The following MCTP2 variants were observed in gnomAD, a reference collection of about 807,000 sequenced individuals.
MCTP2 encodes the protein multiple C2 and transmembrane domain containing 2.
In MCTP2, 132 loss-of-function variants were observed where a neutral mutation model predicts 111.6. The observed-to-expected ratio is 1.18, with a 90% CI of 1.03 to 1.37. The LOEUF (loss-of-function observed/expected upper bound fraction) is 1.37. Among genes scored for constraint, MCTP2 ranks in the 40% most tolerant of loss-of-function variants. The pLI is 0.00. For missense variants in MCTP2, 1,183 were observed against 1,067.9 expected, an observed-to-expected ratio of 1.11 and a Z score of -1.50; for synonymous variants, 395 against 387.7, an observed-to-expected ratio of 1.02 and a Z score of -0.22.
At chr15:94,417,384 G>C (rs1209084169) in intron 17 of MCTP2, among the ~76,000 whole-genome samples, 1 of 152,090 alleles carries the variant, frequency 6.6e-6, no homozygotes. Flanking sequence ...TTTCTTTAGA[G>C]CACCTTCATT....
intron 12 of MCTP2, among the ~76,000 whole-genome samples, chr15:94,378,614 TTAAGA>T (rs1259899265): frequency 6.6e-6 from 1 of 152,194 alleles, no homozygotes; most frequent in Non-Finnish European, 1.5e-5. Context: ...TTATCAGAAA[TTAAGA>T]TAAATAACAT....
intron 1 of MCTP2, among the ~76,000 whole-genome samples, chr15:94,278,980 C>T (rs1432853204): frequency 6.6e-6 from 1 of 152,124 alleles, no homozygotes; most frequent in Non-Finnish European, 1.5e-5. Context: ...GTCTGTGTGT[C>T]TGTTTTTGTA....
intron 20 of MCTP2, among the ~76,000 whole-genome samples, chr15:94,468,617 A>G (rs2073625584): frequency 6.6e-6 from 1 of 152,158 alleles, no homozygotes; most frequent in East Asian, 1.9e-4. Context: ...ATAATAGGCA[A>G]AGATTAAAAA....
intron 17 of MCTP2, among the ~76,000 whole-genome samples, chr15:94,428,577 A>G (rs929812518): frequency 6.6e-6 from 1 of 151,940 alleles, no homozygotes; most frequent in Non-Finnish European, 1.5e-5. Flanking sequence ...TTTTCTTTAT[A>G]TATTGCTTTT....
At chr15:94,450,616 C>G (rs894082085) in intron 19 of MCTP2, among the ~76,000 whole-genome samples, 1 of 152,124 alleles carries the variant, frequency 6.6e-6, no homozygotes, top group East Asian at 1.9e-4. Context: ...TGGGATGAAA[C>G]AGACCAAACA....
intron 14 of MCTP2, among the ~76,000 whole-genome samples, chr15:94,389,270 AG>A (rs1192390815): frequency 6.6e-6 from 1 of 151,900 alleles, no homozygotes; most frequent in Non-Finnish European, 1.5e-5. Context: ...TGTAGGGGAA[AG>A]GCCGTGTCTG....
chr15:94,388,032 G>A (rs2080617939), intron 14 of MCTP2, among the ~76,000 whole-genome samples: 2 of 152,208 alleles, frequency 1.3e-5, no homozygotes, highest in Admixed American at 6.5e-5. Flanking sequence ...AGGACACAGA[G>A]GTAGGGTGGA....
At chr15:94,453,825 C>T (rs556440400) in intron 19 of MCTP2, among the ~76,000 whole-genome samples, 50 of 152,252 alleles carry the variant, frequency 3.3e-4, no homozygotes, top group Admixed American at 9.2e-4. Context: ...AAGTCATAAA[C>T]CTGCCAAAGA....
At chr15:94,311,174 G>A (rs763700564) in intron 2 of MCTP2, among the ~76,000 whole-genome samples, 14 of 151,728 alleles carry the variant, frequency 9.2e-5, no homozygotes, top group East Asian at 7.7e-4. Flanking sequence ...ACAGGTGCAC[G>A]CCACCACACC....
chr15:94,435,927 G>A (rs547517054), intron 17 of MCTP2, among the ~76,000 whole-genome samples: 1 of 151,942 alleles, frequency 6.6e-6, no homozygotes, highest in African/African-American at 2.4e-5. Context: ...CACCGCGCCC[G>A]GCCTATGCTA....
At chr15:94,364,105 A>G (rs112546748) in intron 10 of MCTP2, among the ~76,000 whole-genome samples, 3 of 151,854 alleles carry the variant, frequency 2.0e-5, no homozygotes, top group African/African-American at 7.2e-5. Flanking sequence ...CCACTAAATT[A>G]CAAGTATTTC....
chr15:94,275,195 CAT>C (rs2074126713), intron 1 of MCTP2, among the ~76,000 whole-genome samples: 1 of 152,092 alleles, frequency 6.6e-6, no homozygotes, highest in Non-Finnish European at 1.5e-5. Context: ...CTACAGAAAA[CAT>C]AATTAAATGA....
At chr15:94,453,617 A>G (rs968460126) in intron 19 of MCTP2, among the ~76,000 whole-genome samples, 4 of 152,226 alleles carry the variant, frequency 2.6e-5, no homozygotes, top group African/African-American at 4.8e-5. Context: ...AGAATATACT[A>G]TTTTACTCAT....
intron 2 of MCTP2, among the ~76,000 whole-genome samples, chr15:94,313,692 C>G (rs1263574186): frequency 6.6e-6 from 1 of 151,358 alleles, no homozygotes; most frequent in Non-Finnish European, 1.5e-5. Context: ...CAGAGTGAGA[C>G]TCTGTCTAAA....
At chr15:94,461,610 A>G (rs1310627768) in intron 20 of MCTP2, among the ~76,000 whole-genome samples, 1 of 152,196 alleles carries the variant, frequency 6.6e-6, no homozygotes, top group Non-Finnish European at 1.5e-5. Flanking sequence ...AAATCTCCAC[A>G]GAGGAGATAC....
intron 1 of MCTP2, among the ~76,000 whole-genome samples, chr15:94,234,194 A>G (rs766510657): frequency 3.1e-4 from 47 of 152,092 alleles, no homozygotes; most frequent in Non-Finnish European, 6.3e-4. Flanking sequence ...GAAGGAGGAG[A>G]GTATGTAGGG....
intron 2 of MCTP2, among the ~76,000 whole-genome samples, chr15:94,306,848 C>G (rs534248251): frequency 6.6e-6 from 1 of 152,290 alleles, no homozygotes; most frequent in East Asian, 1.9e-4. Context: ...TTGGCAACTG[C>G]ATAGCTTCAG....
intron 3 of MCTP2, 50 bp downstream of exon 3, chr15:94,314,394 A>G: frequency 7.4e-7 from 1 of 1,349,790 alleles, no homozygotes; most frequent in Non-Finnish European, 1.0e-6. Flanking sequence ...GATATTTCTC[A>G]TCAAATGTTT....
intron 21 of MCTP2, among the ~76,000 whole-genome samples, chr15:94,474,005 T>TG (rs2074137801): frequency 6.6e-6 from 1 of 152,044 alleles, no homozygotes; most frequent in African/African-American, 2.4e-5. Context: ...ACCCCACTGA[T>TG]CAATTCAATC....
Sources: allele counts gnomAD v4.1 joint callset (sites outside exome capture counted in the v4.1 genomes callset), GRCh38; gene constraint gnomAD v4.1.1; transcripts MANE v1.5; gene names NCBI Gene and HGNC (gene_info 2026-07-23, HGNC 2026-07-21).